The following LYRM1 variants were observed in gnomAD, a reference collection of about 807,000 sequenced individuals.
The protein encoded by LYRM1 is LYR motif containing 1.
LYRM1 carries 14 observed loss-of-function variants against 14.9 expected under a neutral mutation model. The observed-to-expected ratio is 0.94, with a 90% confidence interval of 0.62 to 1.47. The LOEUF is 1.47. Ranked by LOEUF, LYRM1 falls within the 40% of genes most tolerant of loss-of-function variation. LYRM1 has a pLI of 0.00. For missense variants in LYRM1, 153 were observed against 149.9 expected, an observed-to-expected ratio of 1.02 and a Z score of -0.11; for synonymous variants, 43 against 56.2, an observed-to-expected ratio of 0.77 and a Z score of 1.05.
chr16:20,906,196 G>T (rs1045584642), intron 1 of LYRM1, among the ~76,000 whole-genome samples: 1 of 152,170 alleles, frequency 6.6e-6, no homozygotes, highest in African/African-American at 2.4e-5. Flanking sequence ...GGTGCCAGGA[G>T]TGCACATAGC....
At chr16:20,920,061 C>A in intron 2 of LYRM1, 61 bp from the exon 3 acceptor site, 1 of 1,145,600 alleles carries the variant, frequency 8.7e-7, no homozygotes, top group Non-Finnish European at 1.3e-6. Flanking sequence ...AAATGTATAC[C>A]TATACTCTAT....
intron 1 of LYRM1, among the ~76,000 whole-genome samples, chr16:20,905,274 C>T (rs1232107855): frequency 1.3e-5 from 2 of 152,188 alleles, no homozygotes; most frequent in African/African-American, 4.8e-5. Flanking sequence ...CCTTACGACT[C>T]TGAAAGGGGT....
chr16:20,924,932 A>G lies in LYRM1; in HGVS notation c.*816A>G, dbSNP rs1045757199. 15 of 152,332 alleles carry G rather than the reference A, an allele frequency of 9.8e-5. No individual in the cohort carries two copies. Among genetic ancestry groups the G allele is most frequent in the East Asian group, 7.7e-4 (4 of 5,188 alleles). 9.4% of individuals were successfully genotyped at this position (152,332 alleles called of 1,614,324 possible). ...TCAGGTGAGAGTCCCTTGGTGAGTC[A>G]TTTGTACATCAGTGTCATTTCTTCT... On this transcript the variant is annotated 3_prime_UTR_variant, in exon 4 of 4. Coordinates refer to ENST00000567954, the MANE Select transcript of LYRM1 (RefSeq NM_001128302.3).
At chr16:20,918,617 G>A (rs1048086515) in intron 2 of LYRM1, among the ~76,000 whole-genome samples, 2 of 152,132 alleles carry the variant, frequency 1.3e-5, no homozygotes, top group African/African-American at 4.8e-5. Flanking sequence ...GACAGCTGAA[G>A]CCCCAGAAGC....
intron 1 of LYRM1, 51 bp downstream of exon 1, chr16:20,900,940 G>A (rs2082010313): frequency 6.5e-6 from 1 of 152,770 alleles, no homozygotes. Flanking sequence ...GACTGGCGGG[G>A]AAGGGGTTGG....
intron 1 of LYRM1, among the ~76,000 whole-genome samples, chr16:20,903,638 A>C (rs2082173092): frequency 6.6e-6 from 1 of 152,162 alleles, no homozygotes; most frequent in African/African-American, 2.4e-5. Flanking sequence ...CATTCTCCGC[A>C]TGTGAAACTC....
intron 1 of LYRM1, among the ~76,000 whole-genome samples, chr16:20,908,501 G>A (rs1198298248): frequency 2.6e-5 from 4 of 152,218 alleles, no homozygotes; most frequent in Non-Finnish European, 5.9e-5. Flanking sequence ...TGTGACCTTG[G>A]ACAAGTTACT....
chr16:20,921,456 G>A (rs1385450337), intron 3 of LYRM1: 1 of 151,994 alleles, frequency 6.6e-6, no homozygotes, highest in Non-Finnish European at 1.5e-5. Flanking sequence ...AGGCTGGAGT[G>A]CAGCATGATT....
At position 20,915,630 on chromosome 16, in the gene LYRM1, G is replaced by A. The variant is rs772758973; in HGVS notation, c.75G>A (p.Ala25=). ...SIFRLARKWQ[A]TSGQMEDTIK... ...TCAGGCTTGCGAGGAAATGGCAGGC[G>A]ACATCAGGGCAGATGGAAGACACCA... The change falls in exon 2 of 4, where the codon GCG becomes GCA. Residue 25 remains alanine (A), a synonymous_variant. Coordinates refer to ENST00000567954, the MANE Select transcript of LYRM1 (RefSeq NM_001128302.3). The A allele has an allele frequency of 1.9e-6, 3 of 1,614,072 alleles. No homozygotes were observed. Among genetic ancestry groups the A allele is most frequent in the East Asian group, 4.5e-5 (2 of 44,884 alleles).
At chr16:20,904,558 C>T (rs972301184) in intron 1 of LYRM1, among the ~76,000 whole-genome samples, 10 of 152,056 alleles carry the variant, frequency 6.6e-5, no homozygotes, top group Admixed American at 1.3e-4. Flanking sequence ...AAAATAGCTG[C>T]GGTATGATTA....
chr16:20,905,649 CT>C (rs1172920494), intron 1 of LYRM1, among the ~76,000 whole-genome samples: 18 of 152,264 alleles, frequency 1.2e-4, no homozygotes, highest in African/African-American at 4.1e-4. Context: ...GAACCCCATT[CT>C]TCTATGTTTG....
At chr16:20,915,243 C>T (rs936668070) in intron 1 of LYRM1, among the ~76,000 whole-genome samples, 23 of 152,076 alleles carry the variant, frequency 1.5e-4, no homozygotes, top group African/African-American at 4.3e-4. Context: ...GAGGCCGAGG[C>T]GGGCAGATCA....
intron 1 of LYRM1, among the ~76,000 whole-genome samples, chr16:20,914,035 C>G (rs542167030): frequency 4.3e-4 from 66 of 151,882 alleles, no homozygotes; most frequent in African/African-American, 1.4e-3. Context: ...GTCTCAATCT[C>G]CTGACCTCGT....
chr16:20,909,295 A>T (rs187164921), intron 1 of LYRM1, among the ~76,000 whole-genome samples: 6 of 152,178 alleles, frequency 3.9e-5, no homozygotes, highest in Admixed American at 6.5e-5. Flanking sequence ...TTCTAGTCCC[A>T]TTTCTTTCCA....
chr16:20,905,225 A>G (rs2082264253), intron 1 of LYRM1, among the ~76,000 whole-genome samples: 1 of 152,124 alleles, frequency 6.6e-6, no homozygotes, highest in Non-Finnish European at 1.5e-5. Flanking sequence ...GTTAACTCTC[A>G]GTGCTAAGTG....
intron 3 of LYRM1, among the ~76,000 whole-genome samples, chr16:20,922,637 C>A (rs939934412): frequency 2.0e-5 from 3 of 151,884 alleles, no homozygotes; most frequent in Non-Finnish European, 4.4e-5. Context: ...TTACAGGCCC[C>A]CGCCACCATG....
chr16:20,908,518 CTGCATCAGGTTCCT>C (rs1342346504), intron 1 of LYRM1, among the ~76,000 whole-genome samples: 2 of 152,226 alleles, frequency 1.3e-5, no homozygotes, highest in African/African-American at 4.8e-5. Context: ...TACTTAGTCT[CTGCATCAGGTTCCT>C]CCTTTGTAAA....
intron 1 of LYRM1, among the ~76,000 whole-genome samples, chr16:20,906,925 A>G (rs1278354412): frequency 6.6e-6 from 1 of 152,072 alleles, no homozygotes; most frequent in Non-Finnish European, 1.5e-5. Flanking sequence ...TTGGACAGTG[A>G]GTGGCAGAGT....
chr16:20,902,960 GA>G (rs2082140227), intron 1 of LYRM1, among the ~76,000 whole-genome samples: 1 of 152,118 alleles, frequency 6.6e-6, no homozygotes, highest in African/African-American at 2.4e-5. Flanking sequence ...CCACAATTAC[GA>G]TCAGTTCCAC....
Sources: gnomAD v4.1 joint callset for allele counts (sites outside exome capture counted in the v4.1 genomes callset) on GRCh38, gnomAD v4.1.1 for gene constraint, MANE v1.5 for transcripts, NCBI Gene and HGNC (gene_info 2026-07-23, HGNC 2026-07-21) for gene names.